The following PDE4D variants were observed in gnomAD, a reference collection of about 807,000 sequenced individuals.
The protein encoded by PDE4D is phosphodiesterase 4D, also known as 3',5'-cyclic-AMP phosphodiesterase 4D.
Under a neutral mutation model 87.4 loss-of-function variants are expected in PDE4D, and 24 were observed. The observed-to-expected ratio is 0.27, with a 90% confidence interval of 0.20 to 0.39. PDE4D has a LOEUF of 0.39. Among genes scored for constraint, PDE4D ranks in the 10% least tolerant of loss-of-function variants. The pLI is 1.00. For missense variants in PDE4D, 714 were observed against 1,041.0 expected (o/e 0.69, Z 4.32); for synonymous variants, 384 against 383.2 (o/e 1.00, Z -0.02).
intron 1 of PDE4D, among the ~76,000 whole-genome samples, chr5:59,655,268 C>A (rs772709321): frequency 1.3e-5 from 2 of 152,124 alleles, no homozygotes; most frequent in Non-Finnish European, 2.9e-5. Flanking sequence ...AATGAATTAA[C>A]ACTGTAAGAG....
chr5:60,519,884 T>C (rs1043180955), intron 1 of PDE4D, among the ~76,000 whole-genome samples: 2 of 152,176 alleles, frequency 1.3e-5, no homozygotes, highest in African/African-American at 2.4e-5. Context: ...AAGCCATATA[T>C]GTAGGAGAAA....
At chr5:60,325,250 G>C (rs74738631) in intron 1 of PDE4D, among the ~76,000 whole-genome samples, 5,659 of 152,158 alleles carry the variant, frequency 0.037, 257 homozygotes, top group African/African-American at 0.11. Context: ...AGGTTCTTCT[G>C]GGACAGAAGA....
intron 1 of PDE4D, among the ~76,000 whole-genome samples, chr5:59,826,671 T>A (rs1263730980): frequency 6.6e-6 from 1 of 152,094 alleles, no homozygotes; most frequent in Non-Finnish European, 1.5e-5. Context: ...ATCATAAAGA[T>A]CAGTTTCTGT....
intron 1 of PDE4D, among the ~76,000 whole-genome samples, chr5:59,315,615 AG>A (rs914952817): frequency 2.6e-5 from 4 of 152,060 alleles, no homozygotes; most frequent in African/African-American, 9.7e-5. Flanking sequence ...GGCACCAGGG[AG>A]GGGGAAATTT....
intron 1 of PDE4D, among the ~76,000 whole-genome samples, chr5:59,281,567 C>T (rs939037089): frequency 3.3e-5 from 5 of 152,250 alleles, no homozygotes; most frequent in East Asian, 1.9e-4. Context: ...ATACACATCA[C>T]GTAAAATTGA....
chr5:60,239,593 CTTCT>C (rs1027527364), intron 1 of PDE4D, among the ~76,000 whole-genome samples: 4 of 152,084 alleles, frequency 2.6e-5, no homozygotes, highest in African/African-American at 9.7e-5. Flanking sequence ...TATTTATCAT[CTTCT>C]TTGTGTCTTA....
At chr5:60,318,443 G>T (rs1336989463) in intron 1 of PDE4D, among the ~76,000 whole-genome samples, 4 of 152,122 alleles carry the variant, frequency 2.6e-5, no homozygotes, top group Admixed American at 2.6e-4. Context: ...TATCCAGTTT[G>T]CCAGTCTGTG....
intron 1 of PDE4D, among the ~76,000 whole-genome samples, chr5:59,564,015 GA>G (rs1487793030): frequency 6.6e-6 from 1 of 152,148 alleles, no homozygotes; most frequent in Admixed American, 6.5e-5. Flanking sequence ...TGGAGGAAGG[GA>G]GCATGTACTC....
intron 1 of PDE4D, among the ~76,000 whole-genome samples, chr5:59,825,277 G>C (rs1325303344): frequency 6.6e-6 from 1 of 152,116 alleles, no homozygotes; most frequent in Non-Finnish European, 1.5e-5. Context: ...TGTAAGTAAA[G>C]GGTTAGCATC....
intron 2 of PDE4D, among the ~76,000 whole-genome samples, chr5:60,063,138 G>GAAAT (rs879639895): frequency 6.4e-5 from 9 of 141,178 alleles, no homozygotes; most frequent in Non-Finnish European, 1.4e-4. Flanking sequence ...AAGAAAGAAA[G>GAAAT]AAAGAAAGAA....
chr5:59,076,730 C>T (rs1765738233), intron 5 of PDE4D, among the ~76,000 whole-genome samples: 1 of 152,120 alleles, frequency 6.6e-6, no homozygotes, highest in Non-Finnish European at 1.5e-5. Context: ...ACTCAGATTT[C>T]AGGATAACAC....
chr5:58,975,623 G>A lies in PDE4D; in HGVS notation c.2013+34C>T. 1.4e-6 allele frequency: 2 copies of A among 1,455,788 alleles called. No homozygotes were observed. The highest frequency in any genetic ancestry group is 1.8e-6 in the Non-Finnish European group (2 of 1,089,606). 90.2% of individuals were successfully genotyped at this position (1,455,788 alleles called of 1,614,324 possible). A position where few individuals can be genotyped will look rare whatever the true frequency, so the allele number is the denominator to read the frequency against. ...AACCAAATGCTAAAGCGGTAGCTCT[G>A]TTCTCTCTGAAAGCTATACACTTCA... is the stretch of plus-strand genomic sequence containing the variant. On this transcript the variant is annotated intron_variant, in intron 14 of 14. Coordinates refer to ENST00000340635, the MANE Select transcript of PDE4D (RefSeq NM_001104631.2). The surrounding 1 kb of genome is among the most constrained non-coding windows in gnomAD (Gnocchi z 4.2).
chr5:60,501,212 C>T (rs1265052313), intron 1 of PDE4D, among the ~76,000 whole-genome samples: 7 of 152,038 alleles, frequency 4.6e-5, no homozygotes, highest in African/African-American at 9.7e-5. Flanking sequence ...CATGTGTTCT[C>T]ATTGTTCAAT....
At chr5:59,156,320 A>ATATAT (rs1554082852) in intron 5 of PDE4D, among the ~76,000 whole-genome samples, 1,054 of 81,630 alleles carry the variant, frequency 0.013, 13 homozygotes, top group African/African-American at 0.026. Flanking sequence ...AAAAAAAAAA[A>ATATAT]ATATATATAT....
At chr5:59,071,710 G>T (rs1580648147) in intron 5 of PDE4D, among the ~76,000 whole-genome samples, 1 of 76,740 alleles carries the variant, frequency 1.3e-5, no homozygotes, top group African/African-American at 5.9e-5. Flanking sequence ...TTTTTGAGAT[G>T]GAGTCTCACT....
intron 1 of PDE4D, among the ~76,000 whole-genome samples, chr5:59,363,857 C>T (rs1010207124): frequency 6.6e-6 from 1 of 152,094 alleles, no homozygotes; most frequent in Non-Finnish European, 1.5e-5. Context: ...TGAGTGGGTT[C>T]AACTGTGGTA....
At chr5:59,869,017 C>T (rs1247370966) in intron 1 of PDE4D, among the ~76,000 whole-genome samples, 1 of 152,120 alleles carries the variant, frequency 6.6e-6, no homozygotes, top group Non-Finnish European at 1.5e-5. Flanking sequence ...GTAGTTTATC[C>T]TTTCAGCACA....
At chr5:59,717,194 G>A (rs1755159462) in intron 1 of PDE4D, among the ~76,000 whole-genome samples, 1 of 152,092 alleles carries the variant, frequency 6.6e-6, no homozygotes, top group South Asian at 2.1e-4. Context: ...TCATTTTGCT[G>A]CCTTCCCTGC....
chr5:60,350,485 A>C (rs907442610), intron 1 of PDE4D, among the ~76,000 whole-genome samples: 1 of 152,170 alleles, frequency 6.6e-6, no homozygotes, highest in Non-Finnish European at 1.5e-5. Context: ...CCATCCACAG[A>C]AAGGGTCACA....
Sources: allele counts gnomAD v4.1 joint callset (sites outside exome capture counted in the v4.1 genomes callset), GRCh38; gene constraint gnomAD v4.1.1; non-coding constraint Gnocchi (gnomAD v3.1); transcripts MANE v1.5; gene names NCBI Gene and HGNC (gene_info 2026-07-23, HGNC 2026-07-21).